The following DPH1 variants were observed in gnomAD, a reference collection of about 807,000 sequenced individuals.
DPH1 encodes diphthamide biosynthesis 1, also known as 2-(3-amino-3-carboxypropyl)histidine synthase subunit 1.
A neutral mutation model predicts 55.3 loss-of-function variants in DPH1; 59 were observed. That is an observed-to-expected ratio of 1.07 (90% CI 0.87 to 1.33). DPH1 has a LOEUF of 1.33. DPH1 is among the 40% of genes most tolerant of loss of function. The probability of loss-of-function intolerance (pLI) is 0.00; values close to 1 mark genes in which losing one functional copy is unlikely to be tolerated. For synonymous variants in DPH1, 238 were observed against 235.5 expected, an observed-to-expected ratio of 1.01 and a Z score of -0.10; for missense variants, 628 against 584.8, an observed-to-expected ratio of 1.07 and a Z score of -0.76.
intron 3 of DPH1, among the ~76,000 whole-genome samples, 163 bp from the exon 4 acceptor site, chr17:2,035,807 G>A (rs1212116717): frequency 3.3e-5 from 5 of 152,094 alleles, no homozygotes; most frequent in Admixed American, 3.3e-4. Flanking sequence ...CGGCAGCTGT[G>A]CCCCTCCTAA....
At chr17:2,031,860 G>C (rs1381239904) in intron 1 of DPH1, among the ~76,000 whole-genome samples, 2 of 152,118 alleles carry the variant, frequency 1.3e-5, no homozygotes, top group African/African-American at 4.8e-5. Flanking sequence ...TTTACTCCAG[G>C]AGTTGTAATT....
chr17:2,031,436 C>T (rs1043685483), intron 1 of DPH1, among the ~76,000 whole-genome samples: 29 of 151,782 alleles, frequency 1.9e-4, no homozygotes, highest in African/African-American at 7.0e-4. Flanking sequence ...GTAGCACACG[C>T]CTGTAATCCC....
chr17:2,031,946 A>G (rs1280063312), intron 1 of DPH1, among the ~76,000 whole-genome samples: 1 of 152,128 alleles, frequency 6.6e-6, no homozygotes, highest in Admixed American at 6.6e-5. Flanking sequence ...CCTTACTGGT[A>G]CGTCCACCAC....
At chr17:2,037,922 C>T (rs1166449875) in intron 6 of DPH1, among the ~76,000 whole-genome samples, 2 of 152,246 alleles carry the variant, frequency 1.3e-5, no homozygotes, top group East Asian at 1.9e-4. Flanking sequence ...GTATACTATA[C>T]GTATCTGGGA....
In DPH1 at chr17:2,041,122, C is replaced by G. The variant is rs762901546; in HGVS notation, c.1027C>G (p.Pro343Ala). ...EVDVWVQVAC[P>A]RLSIDWGTAF... Reference sequence around the variant, plus strand: ...TCCCAGGTGGGTGCAGGTGGCATGTCCACGTCTCTCCATTGACTGGGGCAC... The same window carrying G: ...TCCCAGGTGGGTGCAGGTGGCATGTGCACGTCTCTCCATTGACTGGGGCAC... The change falls in exon 10 of 13, where the codon CCA becomes GCA. Residue 343 changes from proline (P) to alanine (A), a missense_variant. Coordinates refer to ENST00000263083, the MANE Select transcript of DPH1 (RefSeq NM_001383.6). 1 of 1,603,924 alleles carries G rather than the reference C, an allele frequency of 6.2e-7. No individual in the cohort carries two copies. The highest frequency in any genetic ancestry group is 8.5e-7 in the Non-Finnish European group (1 of 1,175,276).
chr17:2,041,964 T>C, intron 12 of DPH1, 89 bp downstream of exon 12: 1 of 1,517,010 alleles, frequency 6.6e-7, no homozygotes, highest in Non-Finnish European at 8.8e-7. Flanking sequence ...GGGGCGGTGC[T>C]GACGTTCGGT....
At chr17:2,037,060 T>G (rs2067438287) in intron 6 of DPH1, 104 bp downstream of exon 6, 1 of 1,482,186 alleles carries the variant, frequency 6.7e-7, no homozygotes. Flanking sequence ...TAATGCTCCT[T>G]ACCTGTGAGC....
chr17:2,042,508 C>G, intron 12 of DPH1, 97 bp from the exon 13 acceptor site: 2 of 1,430,020 alleles, frequency 1.4e-6, no homozygotes, highest in South Asian at 1.6e-5. Context: ...TTCCCTTTTT[C>G]TCTCTGTCAT....
At chr17:2,037,971 G>C (rs1350490894) in intron 6 of DPH1, among the ~76,000 whole-genome samples, 1 of 152,126 alleles carries the variant, frequency 6.6e-6, no homozygotes, top group East Asian at 1.9e-4. Flanking sequence ...ATTCACAGCA[G>C]GTACTTAGTC....
chr17:2,036,071 A>C lies in DPH1; in HGVS notation c.380A>C (p.His127Pro), dbSNP rs1379509207. 1 of 1,613,918 alleles carries C rather than the reference A, an allele frequency of 6.2e-7. No individual in the cohort carries two copies. The highest frequency in any genetic ancestry group is 2.2e-5 in the East Asian group (1 of 44,878). The change falls in exon 4 of 13, where the codon CAC (histidine) becomes CCC (proline). Residue 127 changes from histidine to proline, a missense_variant. Coordinates refer to ENST00000263083, the MANE Select transcript of DPH1 (RefSeq NM_001383.6). The surrounding 1 kb of genome is among the most constrained non-coding windows in gnomAD (Gnocchi z 4.8). Reference protein sequence around the residue: ...ARALGADFLVHYGHSCLIPMD... With the variant: ...ARALGADFLVPYGHSCLIPMD... ...GCCCTGGGAGCTGACTTCTTGGTGCACTACGGCCACAGTTGCCTGAGTATG... is the reference window on the plus strand; with the variant it reads ...GCCCTGGGAGCTGACTTCTTGGTGCCCTACGGCCACAGTTGCCTGAGTATG...
At position 2,036,806 on chromosome 17, in the gene DPH1, T is replaced by C. The variant is rs2151348208; in HGVS notation, c.559-29T>C. 6.2e-7 allele frequency: 1 copy of C among 1,611,746 alleles called. No individual in the cohort carries two copies. The highest frequency in any genetic ancestry group is 8.5e-7 in the Non-Finnish European group (1 of 1,178,940). On this transcript the variant is annotated intron_variant, in intron 5 of 12. Coordinates refer to ENST00000263083, the MANE Select transcript of DPH1 (RefSeq NM_001383.6). This position sits in a 1 kb window ranked among gnomAD's most constrained non-coding sequence, Gnocchi z 4.8. ...GCCCTGGCTCTCCTGCCCCAGCCGC[T>C]GGCTTCACTTCCCTCGTCATTCCTA...
intron 12 of DPH1, 157 bp from the exon 13 acceptor site, chr17:2,042,448 G>T: frequency 7.7e-7 from 1 of 1,295,486 alleles, no homozygotes; most frequent in Non-Finnish European, 1.0e-6. Context: ...TCCTGTTCAG[G>T]CCAATCCACT....
At chr17:2,041,954 G>C (rs2151357201) in intron 12 of DPH1, 79 bp downstream of exon 12, 1 of 1,522,502 alleles carries the variant, frequency 6.6e-7, no homozygotes, top group African/African-American at 1.4e-5. Context: ...GCCCGCCCTC[G>C]GGGCGGTGCT....
rs2067535107 is a variant in DPH1 at position 2,041,882 on chromosome 17, G to GC, written c.*18+12dup. 1.3e-6 allele frequency: 2 copies of GC among 1,568,512 alleles called. No homozygotes were observed. The highest frequency in any genetic ancestry group is 1.2e-5 in the South Asian group (1 of 86,426). ...ACGCGCTCCCGGGCCTCAGGTATCAGCCCCCGCTCTGGGTGCGCCCCGCCT... is the reference window on the plus strand; with the variant it reads ...ACGCGCTCCCGGGCCTCAGGTATCAGCCCCCCGCTCTGGGTGCGCCCCGCCT... On this transcript the variant is annotated splice_region_variant and intron_variant, in intron 12 of 12. Coordinates refer to ENST00000263083, the MANE Select transcript of DPH1 (RefSeq NM_001383.6).
chr17:2,040,789 A>G, intron 9 of DPH1, 184 bp downstream of exon 9: 1 of 667,458 alleles, frequency 1.5e-6, no homozygotes, highest in Middle Eastern at 4.0e-4. Context: ...CTCAGAGGCA[A>G]TGGCAACATC....
At position 2,036,946 on chromosome 17, in the gene DPH1, G is replaced by A. The variant is rs771954738; in HGVS notation, c.670G>A (p.Glu224Lys). Residue 224 changes from glutamate to lysine, a missense_variant, in exon 6 of 13, where the codon GAG (glutamate) becomes AAG (lysine). Physicochemically the swap from Glu to Lys is moderately conservative, Grantham distance 56. Coordinates refer to ENST00000263083, the MANE Select transcript of DPH1 (RefSeq NM_001383.6). The surrounding 1 kb of genome is among the most constrained non-coding windows in gnomAD (Gnocchi z 4.8). ...ATCCCCCCGACTGTCCAAAGAGGTG[G>A]AGGCCGTTGTGTAAGTTAAAAATGG... ...CTSPRLSKEVEAVVYLGDGRF... is the reference protein window; with the variant it reads ...CTSPRLSKEVKAVVYLGDGRF... 6.2e-7 allele frequency: 1 copy of A among 1,613,356 alleles called. No individual in the cohort carries two copies. The highest frequency in any genetic ancestry group is 8.5e-7 in the Non-Finnish European group (1 of 1,179,808).
At chr17:2,040,827 G>A in intron 9 of DPH1, 1 of 633,948 alleles carries the variant, frequency 1.6e-6, no homozygotes, top group Middle Eastern at 4.3e-4. Context: ...ATGAGTTTGA[G>A]CGGTGGCTGA....
chr17:2,037,398 G>C (rs564996217), intron 6 of DPH1: 1 of 157,946 alleles, frequency 6.3e-6, no homozygotes, highest in Non-Finnish European at 1.4e-5. Context: ...CGGCTCCCCC[G>C]ACTGGGACTA....
chr17:2,042,351 C>T, intron 12 of DPH1: 1 of 1,351,940 alleles, frequency 7.4e-7, no homozygotes, highest in Non-Finnish European at 9.6e-7. Flanking sequence ...CAGTCCACAC[C>T]CTTCATTTCT....
Sources: gnomAD v4.1 joint callset for allele counts (sites outside exome capture counted in the v4.1 genomes callset) on GRCh38, gnomAD v4.1.1 for gene constraint, Gnocchi (gnomAD v3.1) non-coding constraint, MANE v1.5 for transcripts, NCBI Gene and HGNC (gene_info 2026-07-23, HGNC 2026-07-21) for gene names.